The following CAPSL variants were observed in gnomAD, a reference collection of about 807,000 sequenced individuals.
CAPSL encodes calcyphosine like.
A neutral mutation model predicts 21.3 loss-of-function variants in CAPSL; 17 were observed. The ratio of observed to expected loss-of-function variants is 0.80; its 90% CI spans 0.55 to 1.20. The LOEUF (loss-of-function observed/expected upper bound fraction) is 1.20. CAPSL is among the 50% of genes most tolerant of loss of function. CAPSL has a pLI of 0.00. For synonymous variants in CAPSL, 102 were observed against 89.3 expected, an observed-to-expected ratio of 1.14 and a Z score of -0.80; for missense variants, 289 against 259.3, an observed-to-expected ratio of 1.11 and a Z score of -0.79.
In CAPSL at chr5:35,915,233, A is replaced by G. The variant is rs901305854; in HGVS notation, c.138-4690T>C. Among the ~76,000 whole-genome samples the G allele has an allele frequency of 2.6e-5, 4 of 152,318 alleles. No homozygotes were observed. The South Asian group carries it at 8.3e-4, about 32-fold the overall frequency. ...GCAATAATTAATAGCTTACCAACCA[A>G]AAACAGTCCAGGACCAGAAGGATTC... On this transcript the variant is annotated intron_variant, in intron 2 of 4. Coordinates refer to ENST00000651391, the MANE Select transcript of CAPSL (RefSeq NM_001042625.2).
At chr5:35,915,495 C>T (rs1738354909) in intron 2 of CAPSL, among the ~76,000 whole-genome samples, 2 of 152,172 alleles carry the variant, frequency 1.3e-5, no homozygotes, top group African/African-American at 4.8e-5. Flanking sequence ...AGCAGTACAT[C>T]AAGAAGCTTA....
intron 2 of CAPSL, among the ~76,000 whole-genome samples, chr5:35,913,524 C>T (rs2149920071): frequency 6.6e-6 from 1 of 152,272 alleles, no homozygotes; most frequent in African/African-American, 2.4e-5. Flanking sequence ...AGAAACTCTA[C>T]AAGCCAGAAG....
intron 1 of CAPSL, among the ~76,000 whole-genome samples, chr5:35,929,308 A>C (rs1358667406): frequency 1.5e-5 from 2 of 137,168 alleles, no homozygotes; most frequent in Non-Finnish European, 3.1e-5. Flanking sequence ...TTTCTGAAAC[A>C]GAGTCTCGCT....
At chr5:35,912,238 G>T (rs899560785) in intron 2 of CAPSL, among the ~76,000 whole-genome samples, 1 of 152,220 alleles carries the variant, frequency 6.6e-6, no homozygotes, top group Non-Finnish European at 1.5e-5. Flanking sequence ...GGAGCTCACT[G>T]CAGCTCAAGG....
In CAPSL at chr5:35,904,538, C is replaced by G. The variant is rs776980998; in HGVS notation, c.*7G>C. The G allele has an allele frequency of 6.2e-7, 1 of 1,609,048 alleles. No individual in the cohort carries two copies. Among genetic ancestry groups the G allele is most frequent in the Admixed American group, 1.7e-5 (1 of 59,894 alleles). ...CTGTCCCAGGGCCTGGTCCCCAGGT[C>G]ATGTGCTTAAAGCTTCCAGGCGGTT... On this transcript the variant is annotated 3_prime_UTR_variant, in exon 5 of 5. Coordinates refer to ENST00000651391, the MANE Select transcript of CAPSL (RefSeq NM_001042625.2).
intron 1 of CAPSL, among the ~76,000 whole-genome samples, chr5:35,937,103 A>G (rs967170341): frequency 2.0e-5 from 3 of 152,150 alleles, no homozygotes; most frequent in African/African-American, 7.2e-5. Flanking sequence ...CTCCATTGCC[A>G]TGGATACTGA....
chr5:35,932,776 A>G (rs1355185791), intron 1 of CAPSL, among the ~76,000 whole-genome samples: 1 of 152,218 alleles, frequency 6.6e-6, no homozygotes, highest in Non-Finnish European at 1.5e-5. Context: ...TCTGATGCAG[A>G]AGACTAAGGA....
chr5:35,913,747 C>CA (rs764895467), intron 2 of CAPSL, among the ~76,000 whole-genome samples: 1 of 152,094 alleles, frequency 6.6e-6, no homozygotes, highest in South Asian at 2.1e-4. Context: ...CCAGCCACTG[C>CA]AAAAACATGC....
chr5:35,904,485 T>C lies in CAPSL; in HGVS notation c.*60A>G. 1 of 1,212,934 alleles carries C rather than the reference T, an allele frequency of 8.2e-7. No individual in the cohort carries two copies. The highest frequency in any genetic ancestry group is 1.2e-6 in the Non-Finnish European group (1 of 833,128). The allele number at this position is 1,212,934 out of a possible 1,614,324, so 75.1% of individuals were successfully genotyped here. On this transcript the variant is annotated 3_prime_UTR_variant, in exon 5 of 5. Transcript: ENST00000651391. ...TCAAATACGATTCTGGTTTTTGAGC[T>C]GACATTTAGTCATTTGGAGCCACAT...
intron 1 of CAPSL, among the ~76,000 whole-genome samples, chr5:35,925,987 A>G (rs552060008): frequency 2.1e-4 from 32 of 151,740 alleles, no homozygotes; most frequent in Middle Eastern, 6.8e-3. Flanking sequence ...GAGGCAGGAG[A>G]ATCGCTTGAA....
intron 1 of CAPSL, among the ~76,000 whole-genome samples, chr5:35,927,767 A>C (rs1464981486): frequency 6.6e-6 from 1 of 152,200 alleles, no homozygotes; most frequent in Non-Finnish European, 1.5e-5. Flanking sequence ...TATACAACAG[A>C]CCATGTCTGA....
intron 1 of CAPSL, among the ~76,000 whole-genome samples, chr5:35,927,259 G>A (rs1738709781): frequency 6.6e-6 from 1 of 152,122 alleles, no homozygotes; most frequent in African/African-American, 2.4e-5. Flanking sequence ...CAATTGTTCC[G>A]AGCCTCTGTC....
rs370687666 is a variant in CAPSL at position 35,921,106 on chromosome 5, C to T, written c.15G>A (p.Ala5=). The part of the protein sequence containing the change: MAGT[A]RHDREMAIQA... ...GGATCGCCATCTCTCGGTCATGGCG[C>T]GCTGTCCCTGCCATCTGAGGGGAAG... Residue 5 remains alanine, a synonymous_variant, in exon 2 of 5, where the codon GCG becomes GCA. Transcript: ENST00000651391. The T allele has an allele frequency of 1.5e-5, 24 of 1,613,924 alleles. No individual in the cohort carries two copies. Among genetic ancestry groups the T allele is most frequent in the South Asian group, 4.4e-5 (4 of 91,076 alleles).
At chr5:35,934,136 G>A (rs1738886985) in intron 1 of CAPSL, among the ~76,000 whole-genome samples, 1 of 152,148 alleles carries the variant, frequency 6.6e-6, no homozygotes, top group South Asian at 2.1e-4. Flanking sequence ...TCAGAATAAA[G>A]AGCAACATGT....
At chr5:35,910,106 A>G in intron 3 of CAPSL, 31 bp from the exon 4 acceptor site, 1 of 1,539,006 alleles carries the variant, frequency 6.5e-7, no homozygotes, top group Non-Finnish European at 8.8e-7. Flanking sequence ...ATACAGAGAC[A>G]TACATAAGCA....
chr5:35,938,493 GA>G (rs367761491), intron 1 of CAPSL, 47 bp downstream of exon 1: 6,113 of 144,742 alleles, frequency 0.042, 383 homozygotes, highest in African/African-American at 0.14. Context: ...GACATACCAA[GA>G]AAAAAAAAAA....
intron 2 of CAPSL, among the ~76,000 whole-genome samples, chr5:35,917,680 C>T (rs1365914468): frequency 1.3e-5 from 2 of 151,986 alleles, no homozygotes; most frequent in Non-Finnish European, 2.9e-5. Context: ...AACACATGGA[C>T]ACAGGAAGGG....
intron 2 of CAPSL, among the ~76,000 whole-genome samples, chr5:35,914,077 G>C (rs1048240178): frequency 5.3e-5 from 8 of 152,140 alleles, no homozygotes; most frequent in African/African-American, 1.7e-4. Context: ...TGATAAAACA[G>C]ACTTTAAAAC....
chr5:35,930,381 AT>A (rs2149932539), intron 1 of CAPSL, among the ~76,000 whole-genome samples: 1 of 152,354 alleles, frequency 6.6e-6, no homozygotes, highest in South Asian at 2.1e-4. Context: ...CATTTTAAAA[AT>A]AATATTTTAT....
Sources: gnomAD v4.1 joint callset for allele counts (sites outside exome capture counted in the v4.1 genomes callset) on GRCh38, gnomAD v4.1.1 for gene constraint, MANE v1.5 for transcripts, NCBI Gene and HGNC (gene_info 2026-07-23, HGNC 2026-07-21) for gene names.